SEMA3D: variants seen among roughly 807,000 people sequenced by gnomAD.
The protein encoded by SEMA3D is semaphorin 3D.
A neutral mutation model predicts 100.1 loss-of-function variants in SEMA3D; 84 were observed. The ratio of observed to expected loss-of-function variants is 0.84; its 90% confidence interval spans 0.70 to 1.01. The LOEUF (loss-of-function observed/expected upper bound fraction) is 1.01. Among genes scored for constraint, SEMA3D ranks in the 50% least tolerant of loss-of-function variants. SEMA3D has a pLI of 0.00. For missense variants in SEMA3D, 875 were observed against 934.1 expected, an observed-to-expected ratio of 0.94 and a Z score of 0.82; for synonymous variants, 312 against 320.7, an observed-to-expected ratio of 0.97 and a Z score of 0.29.
intron 8 of SEMA3D, among the ~76,000 whole-genome samples, chr7:85,057,966 A>G (rs1364052082): frequency 6.6e-6 from 1 of 152,164 alleles, no homozygotes; most frequent in Non-Finnish European, 1.5e-5. Context: ...TTAACGTTGG[A>G]TTCCGAGTGA....
At chr7:85,048,779 T>C (rs2116035719) in intron 9 of SEMA3D, among the ~76,000 whole-genome samples, 1 of 151,970 alleles carries the variant, frequency 6.6e-6, no homozygotes, top group East Asian at 1.9e-4. Context: ...TTGAGAGTTT[T>C]CACATAACCA....
chr7:85,140,407 T>C, intron 2 of SEMA3D: 2 of 983,424 alleles, frequency 2.0e-6, no homozygotes, highest in Non-Finnish European at 1.2e-6. Context: ...TGAATTACAG[T>C]TTTCTCATCT....
chr7:85,008,950 T>G (rs141855716), intron 17 of SEMA3D, among the ~76,000 whole-genome samples: 1 of 151,900 alleles, frequency 6.6e-6, no homozygotes, highest in Non-Finnish European at 1.5e-5. Context: ...TGTTCAGATT[T>G]GGGTCCTATT....
chr7:85,013,685 G>A (rs140261547), intron 16 of SEMA3D, among the ~76,000 whole-genome samples: 15 of 151,832 alleles, frequency 9.9e-5, no homozygotes, highest in Non-Finnish European at 1.9e-4. Context: ...CAGATGACAA[G>A]ATTCATCCAT....
the SEMA3D span, among the ~76,000 whole-genome samples, chr7:85,246,022 C>A: frequency 7.2e-5 from 11 of 152,106 alleles, no homozygotes; most frequent in East Asian, 2.1e-3. Context: ...TGGATAAAAA[C>A]CACAAAATTT....
intron 2 of SEMA3D, among the ~76,000 whole-genome samples, chr7:85,149,421 C>T (rs993321509): frequency 2.0e-5 from 3 of 152,072 alleles, no homozygotes; most frequent in African/African-American, 7.2e-5. Flanking sequence ...GCGTTCCAGC[C>T]TGGATGACAG....
chr7:85,059,769 G>A (rs554879891), intron 8 of SEMA3D, among the ~76,000 whole-genome samples: 1 of 152,254 alleles, frequency 6.6e-6, no homozygotes, highest in Non-Finnish European at 1.5e-5. Flanking sequence ...CTTGTTTACA[G>A]AGTTTAATTA....
At chr7:85,074,622 C>CAT (rs10610475) in intron 5 of SEMA3D, among the ~76,000 whole-genome samples, 88 of 148,900 alleles carry the variant, frequency 5.9e-4, no homozygotes, top group South Asian at 1.1e-3. Context: ...TTTCAACTGG[C>CAT]ATATATATAT....
At chr7:85,077,589 G>T (rs1787910513) in intron 5 of SEMA3D, among the ~76,000 whole-genome samples, 1 of 152,012 alleles carries the variant, frequency 6.6e-6, no homozygotes, top group Non-Finnish European at 1.5e-5. Context: ...TGAGAGTAAT[G>T]AAAAAATTTC....
intron 7 of SEMA3D, 97 bp from the exon 8 acceptor site, chr7:85,065,649 G>A: frequency 1.2e-6 from 1 of 857,828 alleles, no homozygotes; most frequent in Non-Finnish European, 1.8e-6. Context: ...AAAGATGTTT[G>A]TTTCTTAATA....
the SEMA3D span, among the ~76,000 whole-genome samples, chr7:85,219,695 T>C: frequency 6.6e-6 from 1 of 152,168 alleles, no homozygotes; most frequent in Non-Finnish European, 1.5e-5. Context: ...AGGATACAGT[T>C]ATGATCAAAA....
At chr7:85,107,445 T>C (rs1408495092) in intron 3 of SEMA3D, among the ~76,000 whole-genome samples, 2 of 152,116 alleles carry the variant, frequency 1.3e-5, no homozygotes, top group African/African-American at 2.4e-5. Flanking sequence ...TCAGCAGGTA[T>C]AAGCAATGAG....
intron 2 of SEMA3D, among the ~76,000 whole-genome samples, chr7:85,127,530 T>A (rs963358157): frequency 2.6e-5 from 4 of 152,124 alleles, no homozygotes; most frequent in Non-Finnish European, 5.9e-5. Flanking sequence ...GGGTTTCATT[T>A]TTTCCTGACC....
the SEMA3D span, among the ~76,000 whole-genome samples, chr7:85,248,718 C>A: frequency 6.6e-6 from 1 of 151,950 alleles, no homozygotes; most frequent in Non-Finnish European, 1.5e-5. Flanking sequence ...TGAAAGAAAT[C>A]AACCTGAAAA....
the SEMA3D span, among the ~76,000 whole-genome samples, chr7:85,201,910 G>A: frequency 3.3e-5 from 5 of 151,616 alleles, no homozygotes; most frequent in African/African-American, 1.2e-4. Context: ...TGTAGAGAAG[G>A]GGTCTCACTG....
chr7:85,150,010 G>T (rs1790321908), intron 2 of SEMA3D, among the ~76,000 whole-genome samples: 1 of 151,998 alleles, frequency 6.6e-6, no homozygotes, highest in African/African-American at 2.4e-5. Flanking sequence ...ATCCCCAAAA[G>T]TCCTCATGGA....
At chr7:85,074,035 G>C (rs1237419144) in intron 5 of SEMA3D, among the ~76,000 whole-genome samples, 1 of 152,060 alleles carries the variant, frequency 6.6e-6, no homozygotes, top group Non-Finnish European at 1.5e-5. Context: ...CCTATCTCCT[G>C]CAAGTGATAC....
In SEMA3D at chr7:84,999,758, G is replaced by A. The variant is rs767210543; in HGVS notation, c.2016C>T (p.Phe672=). 1 of 1,613,898 alleles carries A rather than the reference G, an allele frequency of 6.2e-7. No individual in the cohort carries two copies. The highest frequency in any genetic ancestry group is 1.3e-5 in the African/African-American group (1 of 74,904). Residue 672 remains phenylalanine, a synonymous_variant, in exon 19 of 19, where the codon TTC becomes TTT. Coordinates refer to ENST00000284136, the MANE Select transcript of SEMA3D (RefSeq NM_001384900.1). ...MYYCKAQEHT[F]IHTIVKLTLN... Reference sequence around the variant, plus strand: ...AAGTCAGCTTCACTATGGTGTGGATGAAAGTGTGCTCCTGGGCTTTGCAGT... The same window carrying A: ...AAGTCAGCTTCACTATGGTGTGGATAAAAGTGTGCTCCTGGGCTTTGCAGT...
At chr7:85,160,654 T>C (rs1307347935) in intron 1 of SEMA3D, among the ~76,000 whole-genome samples, 1 of 152,026 alleles carries the variant, frequency 6.6e-6, no homozygotes, top group Admixed American at 6.6e-5. Context: ...GGACTGCACC[T>C]GGTGTTCAGA....
Sources: gnomAD v4.1 joint callset for allele counts (sites outside exome capture counted in the v4.1 genomes callset) on GRCh38, gnomAD v4.1.1 for gene constraint, MANE v1.5 for transcripts, NCBI Gene and HGNC (gene_info 2026-07-23, HGNC 2026-07-21) for gene names.